Variants in MYO7B observed in about 807,000 individuals in gnomAD.
MYO7B encodes unconventional myosin-VIIb.
Under a neutral mutation model 259.7 loss-of-function variants are expected in MYO7B, and 212 were observed. The observed-to-expected ratio is 0.82, with a 90% CI of 0.73 to 0.91. MYO7B has a LOEUF of 0.91. Ranked by LOEUF, MYO7B falls within the 40% of genes least tolerant of loss-of-function variation. MYO7B has a pLI of 0.00. For missense variants in MYO7B, 2,732 were observed against 2,813.5 expected (o/e 0.97, Z 0.66); for synonymous variants, 1,197 against 1,166.4 (o/e 1.03, Z -0.54).
At chr2:127,606,529 C>G (rs1413346283) in intron 20 of MYO7B, among the ~76,000 whole-genome samples, 1 of 152,208 alleles carries the variant, frequency 6.6e-6, no homozygotes, top group Non-Finnish European at 1.5e-5. Flanking sequence ...GCTTCGCATA[C>G]ATCATTTTAT....
chr2:127,585,446 T>C lies in MYO7B; in HGVS notation c.1690+533T>C, dbSNP rs1300967095. Among the ~76,000 whole-genome samples, 1 of 152,198 alleles carries C rather than the reference T, an allele frequency of 6.6e-6. No individual in the cohort carries two copies. The highest frequency in any genetic ancestry group is 1.9e-4 in the East Asian group (1 of 5,202). On this transcript the variant is annotated intron_variant, in intron 14 of 47. Coordinates refer to ENST00000409816, the MANE Select transcript of MYO7B (RefSeq NM_001393586.1). This position sits in a 1 kb window ranked among gnomAD's most constrained non-coding sequence, Gnocchi z 4.3. The stretch of plus-strand genomic sequence containing the variant: ...CATGTCTTTTTATTGCAGAAAAACA[T>C]TCCATTATCTGGAATGTTTATCTCG...
chr2:127,637,302 C>CT lies in MYO7B; in HGVS notation c.6328-14_6328-13insT, dbSNP rs3217355. ...CTGCACCCACAGCCTCTGACCCCCC[C>CT]GTCCCCTGTCCAGGGCTATAAGATG... On this transcript the variant is annotated splice_polypyrimidine_tract_variant and intron_variant, in intron 47 of 47. Transcript: ENST00000409816. 0.26 allele frequency: 400,054 copies of CT among 1,562,156 alleles called. 56,443 individuals carry two copies. The highest frequency in any genetic ancestry group is 0.57 in the African/African-American group (41,835 of 73,736).
In MYO7B at chr2:127,592,945, A is replaced by G; in HGVS notation, c.2144A>G (p.Gln715Arg). ...TTGCTGCCCAACGCCATGCGGATGC[A>G]GGTCAGCGCCCCTCGGGGACGGTCA... ...GVLLPNAMRM[Q>R]LQGKLRQMTL... Residue 715 changes from glutamine (Q) to arginine (R), a missense_variant and splice_region_variant, in exon 17 of 48, where the codon CAG becomes CGG. This residue lies in a region of MYO7B where 1,906 missense variants were observed against 2,026.4 expected (regional missense o/e 0.94). Transcript: ENST00000409816. The G allele has an allele frequency of 1.3e-6, 2 of 1,585,394 alleles. No individual in the cohort carries two copies. Among genetic ancestry groups the G allele is most frequent in the Non-Finnish European group, 1.7e-6 (2 of 1,166,822 alleles).
intron 1 of MYO7B, among the ~76,000 whole-genome samples, chr2:127,544,395 T>C (rs1043683757): frequency 1.4e-4 from 22 of 152,110 alleles, no homozygotes; most frequent in Admixed American, 1.4e-3. Flanking sequence ...CACTTTCATA[T>C]AGTTCAACCT....
chr2:127,572,311 C>T (rs569564703), intron 6 of MYO7B, among the ~76,000 whole-genome samples: 16 of 150,970 alleles, frequency 1.1e-4, no homozygotes, highest in Admixed American at 2.0e-4. Context: ...CCCATCTACT[C>T]GGGATGCTGT....
At chr2:127,625,659 C>A in intron 31 of MYO7B, 124 bp downstream of exon 31, 1 of 1,112,188 alleles carries the variant, frequency 9.0e-7, no homozygotes, top group Non-Finnish European at 1.2e-6. Flanking sequence ...AACAACAAGC[C>A]TCAGCTTGAC....
intron 34 of MYO7B, among the ~76,000 whole-genome samples, chr2:127,629,042 A>G (rs920275826): frequency 2.6e-5 from 4 of 152,154 alleles, no homozygotes; most frequent in Non-Finnish European, 5.9e-5. Flanking sequence ...ATGGGGGAGC[A>G]TGGCAAAGCC....
At position 127,630,850 on chromosome 2, in the gene MYO7B, G is replaced by A. The variant is rs746460709; in HGVS notation, c.4879G>A (p.Glu1627Lys). 5.0e-6 allele frequency: 8 copies of A among 1,612,202 alleles called. No homozygotes were observed. The Admixed American group carries it at 1.2e-4, about 24-fold the overall frequency. ...QEGQFTEPRPEEPPKEKLHTL... is the reference protein window; with the variant it reads ...QEGQFTEPRPKEPPKEKLHTL... ...GGGGCAGTTCACAGAGCCACGTCCT[G>A]AGGAGCCACCCAAGGAAAAGCTGCA... Residue 1627 changes from glutamate (E) to lysine (K), a missense_variant, in exon 36 of 48, where the codon GAG becomes AAG. Physicochemically the swap from Glu to Lys is moderately conservative, Grantham distance 56. Coordinates refer to ENST00000409816, the MANE Select transcript of MYO7B (RefSeq NM_001393586.1).
rs769871158 is a variant in MYO7B, at chr2:127,628,334, T to C, written c.4461-38T>C. 1.9e-6 allele frequency: 3 copies of C among 1,569,422 alleles called. No individual in the cohort carries two copies. Among genetic ancestry groups the C allele is most frequent in the South Asian group, 1.2e-5 (1 of 85,674 alleles). On this transcript the variant is annotated intron_variant, in intron 33 of 47. Transcript: ENST00000409816. The surrounding 1 kb of genome is among the most constrained non-coding windows in gnomAD (Gnocchi z 4.8). ...GTTTAGGGGCTGGATCAGGGGAAGG[T>C]GGAGGGGGCTCCTGGTCACGCTGTC...
Position 127,632,292 on chromosome 2 carries a change from C to T in MYO7B, c.5296C>T (p.Leu1766Phe), listed in dbSNP as rs771102708. The T allele has an allele frequency of 1.9e-6, 3 of 1,611,758 alleles. No individual in the cohort carries two copies. The highest frequency in any genetic ancestry group is 1.1e-5 in the South Asian group (1 of 91,004). Residue 1766 changes from leucine to phenylalanine, a missense_variant, in exon 39 of 48, where the codon CTC (leucine) becomes TTC (phenylalanine). By Grantham distance (22) the Leu-to-Phe change is conservative. Transcript: ENST00000409816. Reference protein sequence around the residue: ...GWQLLWLCTGLFPPSKGLLPH... With the variant: ...GWQLLWLCTGFFPPSKGLLPH... ...GCAGCTGCTGTGGCTGTGCACGGGC[C>T]TCTTCCCGCCCAGCAAGGGGCTGCT...
rs759174175 is a variant in MYO7B, at chr2:127,584,170, CTTT to C, written c.1393_1395del (p.Phe465del). ...TCGCCAACGAGCACCTGCAGCAGTT[CTTT>C]GTGCAGCACGTGTTCACCATGGAGC... On this transcript the variant is annotated inframe_deletion, in exon 13 of 48. Transcript: ENST00000409816. The surrounding 1 kb of genome is among the most constrained non-coding windows in gnomAD (Gnocchi z 5.8). 5.0e-6 allele frequency: 8 copies of C among 1,613,956 alleles called. No individual in the cohort carries two copies. The South Asian group carries it at 8.8e-5, about 18-fold the overall frequency.
At chr2:127,623,845 C>T (rs914591307) in intron 29 of MYO7B, among the ~76,000 whole-genome samples, 5 of 152,208 alleles carry the variant, frequency 3.3e-5, no homozygotes, top group African/African-American at 4.8e-5. Flanking sequence ...TGAGTCACAT[C>T]GGCCAGACTC....
chr2:127,563,155 C>A (rs1044269577), intron 2 of MYO7B, among the ~76,000 whole-genome samples: 13 of 152,174 alleles, frequency 8.5e-5, no homozygotes, highest in Non-Finnish European at 1.5e-4. Context: ...CTGACCTACT[C>A]TTTGGTCAGT....
chr2:127,560,921 G>A (rs112410902), intron 2 of MYO7B, among the ~76,000 whole-genome samples: 3 of 152,266 alleles, frequency 2.0e-5, no homozygotes, highest in African/African-American at 7.2e-5. Context: ...CTCACAGAAT[G>A]GACAGCCAAG....
Position 127,590,111 on chromosome 2 carries a change from G to T in MYO7B, c.1874G>T (p.Arg625Leu), listed in dbSNP as rs766213255. Residue 625 changes from arginine to leucine, a missense_variant, in exon 16 of 48, where the codon CGG (arginine) becomes CTG (leucine). By Grantham distance (102) the Arg-to-Leu change is moderately radical (BLOSUM62 -2). Transcript: ENST00000409816. The surrounding 1 kb of genome is among the most constrained non-coding windows in gnomAD (Gnocchi z 4.6). ...HLFKSADSNK[R>L]PSTLGSQFKQ... Reference sequence around the variant, plus strand: ...TCACAGTCTGCAGACTCAAATAAACGGCCCTCCACCTTAGGAAGCCAGTTC... The same window carrying T: ...TCACAGTCTGCAGACTCAAATAAACTGCCCTCCACCTTAGGAAGCCAGTTC... 9 of 1,591,166 alleles carry T rather than the reference G, an allele frequency of 5.7e-6. No homozygotes were observed. Among genetic ancestry groups the T allele is most frequent in the Non-Finnish European group, 6.0e-6 (7 of 1,169,344 alleles).
In MYO7B at chr2:127,631,601, C is replaced by T; in HGVS notation, c.5097C>T (p.Ala1699=). 4.3e-6 allele frequency: 7 copies of T among 1,612,946 alleles called. No individual in the cohort carries two copies. The highest frequency in any genetic ancestry group is 5.9e-6 in the Non-Finnish European group (7 of 1,179,730). ...LWDIACQIFV[A]ILRYMGDYPS... is the part of the protein sequence containing the mutation. ...CACTGTGCTCCTTGACAGCCACACCCATCCTCCGGTACATGGGCGACTACC... is the reference window on the plus strand; with the variant it reads ...CACTGTGCTCCTTGACAGCCACACCTATCCTCCGGTACATGGGCGACTACC... Residue 1699 remains alanine (A), a splice_region_variant and synonymous_variant, in exon 38 of 48, where the codon GCC becomes GCT. Coordinates refer to ENST00000409816, the MANE Select transcript of MYO7B (RefSeq NM_001393586.1).
At chr2:127,633,076 C>T (rs1681607360) in intron 39 of MYO7B, among the ~76,000 whole-genome samples, 182 bp from the exon 40 acceptor site, 1 of 152,242 alleles carries the variant, frequency 6.6e-6, no homozygotes, top group Non-Finnish European at 1.5e-5. Flanking sequence ...CCATCACTAC[C>T]TCTGAGGCCG....
intron 7 of MYO7B, among the ~76,000 whole-genome samples, chr2:127,575,387 G>C (rs1678823250): frequency 6.6e-6 from 1 of 152,078 alleles, no homozygotes; most frequent in Non-Finnish European, 1.5e-5. Flanking sequence ...CCTGAAATGG[G>C]CAGGAAATTT....
chr2:127,636,946 C>T lies in MYO7B; in HGVS notation c.6327+33C>T. ...CAGGTTCTTTCTCCCATCCAAGATG[C>T]ATAGGACAGAGCTGCTGGAGACTGG... On this transcript the variant is annotated intron_variant, in intron 47 of 47. Coordinates refer to ENST00000409816, the MANE Select transcript of MYO7B (RefSeq NM_001393586.1). This position sits in a 1 kb window ranked among gnomAD's most constrained non-coding sequence, Gnocchi z 4.5. 6.2e-7 allele frequency: 1 copy of T among 1,606,196 alleles called. No homozygotes were observed. The highest frequency in any genetic ancestry group is 2.2e-5 in the East Asian group (1 of 44,838).
Sources: allele counts gnomAD v4.1 joint callset (sites outside exome capture counted in the v4.1 genomes callset), GRCh38; gene constraint gnomAD v4.1.1; regional missense constraint gnomAD v4.1.1; non-coding constraint Gnocchi (gnomAD v3.1); transcripts MANE v1.5; gene names NCBI Gene and HGNC (gene_info 2026-07-23, HGNC 2026-07-21).